Variants in PTPA observed in about 807,000 individuals in gnomAD.
PTPA encodes the protein serine/threonine-protein phosphatase 2A activator.
In PTPA, 13 loss-of-function variants were observed where a neutral mutation model predicts 43.6. The observed-to-expected ratio is 0.30, with a 90% CI of 0.19 to 0.47. The LOEUF (loss-of-function observed/expected upper bound fraction) is 0.47, where lower values mean the gene tolerates loss of function less well. Ranked by LOEUF, PTPA falls within the 20% of genes least tolerant of loss-of-function variation. The probability of loss-of-function intolerance (pLI) is 0.99; values close to 1 mark genes in which losing one functional copy is unlikely to be tolerated. For synonymous variants in PTPA, 172 were observed against 158.2 expected (o/e 1.09, Z -0.66); for missense variants, 329 against 411.9 (o/e 0.80, Z 1.74).
chr9:129,118,579 G>A (rs1849045057), intron 1 of PTPA, among the ~76,000 whole-genome samples: 1 of 151,924 alleles, frequency 6.6e-6, no homozygotes, highest in Non-Finnish European at 1.5e-5. Flanking sequence ...CACTATGTTG[G>A]TCAGGCGCAT....
At chr9:129,119,597 A>G (rs1849117652) in intron 1 of PTPA, 1 of 150,968 alleles carries the variant, frequency 6.6e-6, no homozygotes, top group Non-Finnish European at 1.5e-5. Flanking sequence ...TTTAGTAGAG[A>G]TGGGATTTCA....
At chr9:129,126,199 A>G (rs1411593785) in intron 3 of PTPA, among the ~76,000 whole-genome samples, 2 of 151,466 alleles carry the variant, frequency 1.3e-5, no homozygotes. Context: ...ATTTATTTTT[A>G]TTTTTATTTT....
At chr9:129,144,143 C>T (rs1473528008) in intron 9 of PTPA, among the ~76,000 whole-genome samples, 2 of 151,866 alleles carry the variant, frequency 1.3e-5, no homozygotes, top group Admixed American at 1.3e-4. Flanking sequence ...CTCACCTGCC[C>T]TTCCAGAGAC....
chr9:129,132,061 A>C (rs7037163), intron 5 of PTPA, among the ~76,000 whole-genome samples: 113,651 of 152,086 alleles, frequency 0.75, 42,777 homozygotes, highest in African/African-American at 0.84. Flanking sequence ...CTCTCCCTTG[A>C]ACCCCTTGTC....
chr9:129,137,290 T>C (rs1850434537), intron 7 of PTPA, among the ~76,000 whole-genome samples: 1 of 152,178 alleles, frequency 6.6e-6, no homozygotes, highest in Non-Finnish European at 1.5e-5. Flanking sequence ...GGCACCATAC[T>C]GAGTGCTGTA....
At chr9:129,111,159 C>T (rs527820874), upstream of PTPA, 98 of 1,211,210 alleles carry the variant, frequency 8.1e-5, no homozygotes, top group East Asian at 3.6e-3. Context: ...TCAGTACCAC[C>T]CACAAAGATG....
chr9:129,129,492 C>T (rs1410717429), intron 4 of PTPA, among the ~76,000 whole-genome samples: 7 of 148,624 alleles, frequency 4.7e-5, no homozygotes, highest in African/African-American at 9.9e-5. Context: ...TTTTTTTAGA[C>T]GGAGTCTCGC....
chr9:129,132,690 C>T (rs1233512694), intron 5 of PTPA, among the ~76,000 whole-genome samples: 1 of 152,194 alleles, frequency 6.6e-6, no homozygotes, highest in African/African-American at 2.4e-5. Context: ...ACCATGTTGG[C>T]CAGGCTGGTC....
rs145059213 is a variant in PTPA at position 129,127,987 on chromosome 9, A to G, written c.217-998A>G. The G allele has an allele frequency of 4.9e-4, 663 of 1,341,138 alleles. No homozygotes were observed. The highest frequency in any genetic ancestry group is 6.1e-4 in the Non-Finnish European group (615 of 1,008,558). The allele number at this position is 1,341,138 out of a possible 1,614,324, so 83.1% of individuals were successfully genotyped here. On this transcript the variant is annotated intron_variant, in intron 3 of 9. Transcript: ENST00000393370. ...AGATGTGGAATGAGGTTCATGAGGA[A>G]AAGGAGCAGGCTGCAAAGCAGAGTG...
chr9:129,133,525 T>G (rs1850129651), intron 5 of PTPA, among the ~76,000 whole-genome samples: 1 of 152,210 alleles, frequency 6.6e-6, no homozygotes, highest in South Asian at 2.1e-4. Flanking sequence ...CTCTGACACA[T>G]TCTCTTCTCA....
At chr9:129,110,990 G>A (rs758463905), upstream of PTPA, 2 of 1,371,514 alleles carry the variant, frequency 1.5e-6, no homozygotes, top group Non-Finnish European at 1.9e-6. The surrounding 1 kb of genome is among the most constrained non-coding windows in gnomAD (Gnocchi z 5.3). Flanking sequence ...TCACCGTCCA[G>A]CTGTCTCTCC....
chr9:129,143,216 G>A, intron 9 of PTPA: 2 of 657,186 alleles, frequency 3.0e-6, no homozygotes, highest in Non-Finnish European at 5.5e-6. Flanking sequence ...TCCAAGTGGG[G>A]AGGAGACATT....
chr9:129,125,768 A>T (rs1190867152), intron 3 of PTPA, among the ~76,000 whole-genome samples: 2 of 152,212 alleles, frequency 1.3e-5, no homozygotes, highest in African/African-American at 4.8e-5. Context: ...CGCCTAACAC[A>T]TACTAAATAA....
intron 3 of PTPA, chr9:129,127,832 G>A (rs1849678188): frequency 2.0e-6 from 1 of 508,324 alleles, no homozygotes; most frequent in East Asian, 7.1e-5. Flanking sequence ...CATTGTGTAT[G>A]AAATAGGTAG....
In PTPA at chr9:129,127,256, T is replaced by C. The variant is rs572220930; in HGVS notation, c.217-1729T>C. 3.9e-5 allele frequency among the ~76,000 whole-genome samples: 6 copies of C among 152,262 alleles called. No individual in the cohort carries two copies. In the East Asian group the frequency reaches 5.8e-4, roughly 15 times the overall value. On this transcript the variant is annotated intron_variant, in intron 3 of 9. Transcript: ENST00000393370. ...CAGCACTCAGGGCCGGTTTCACATA[T>C]GCAGCTGGGGGCATGGCCAGCCTGT... is the stretch of plus-strand genomic sequence containing the variant.
chr9:129,123,709 G>T (rs1849402452), intron 3 of PTPA, among the ~76,000 whole-genome samples: 1 of 151,174 alleles, frequency 6.6e-6, no homozygotes, highest in Admixed American at 6.6e-5. Context: ...TTGAGACGTA[G>T]TTTTGCTCTT....
rs78217240 is a variant in PTPA at position 129,129,312 on chromosome 9, C to T, written c.342+202C>T. Among the ~76,000 whole-genome samples the T allele has an allele frequency of 2.8e-3, 427 of 152,264 alleles. 2 individuals are homozygous for T. Among genetic ancestry groups the T allele is most frequent in the African/African-American group, 9.7e-3 (402 of 41,536 alleles). ...TCTGGGAAACACGACTGTGCACATA[C>T]GGCCCTCTGCACTACAAGGCTGTTT... On this transcript the variant is annotated intron_variant, in intron 4 of 9. Coordinates refer to ENST00000393370, the MANE Select transcript of PTPA (RefSeq NM_178000.3).
chr9:129,116,044 C>T (rs868331451), intron 1 of PTPA, among the ~76,000 whole-genome samples: 6 of 149,690 alleles, frequency 4.0e-5, no homozygotes, highest in African/African-American at 9.8e-5. Flanking sequence ...TTTTTTGAGA[C>T]GAGTCTCGCT....
chr9:129,140,021 A>G (rs1449477767), intron 8 of PTPA: 1 of 152,538 alleles, frequency 6.6e-6, no homozygotes, highest in Non-Finnish European at 1.5e-5. Context: ...TTTCAGCTGG[A>G]AGGGAAGGAG....
Sources: allele counts gnomAD v4.1 joint callset (sites outside exome capture counted in the v4.1 genomes callset), GRCh38; gene constraint gnomAD v4.1.1; non-coding constraint Gnocchi (gnomAD v3.1); transcripts MANE v1.5; gene names NCBI Gene and HGNC (gene_info 2026-07-23, HGNC 2026-07-21).